The following NXPE2 variants were observed in gnomAD, a reference collection of about 807,000 sequenced individuals.
The protein encoded by NXPE2 is neurexophilin and PC-esterase domain family member 2, also known as NXPE family member 2.
Under a neutral mutation model 34.4 loss-of-function variants are expected in NXPE2, and 34 were observed. The ratio of observed to expected loss-of-function variants is 0.99; its 90% CI spans 0.75 to 1.31. The LOEUF is 1.31. NXPE2 is among the 40% of genes most tolerant of loss of function. The pLI, the probability that NXPE2 is intolerant of heterozygous loss-of-function variation, is 0.00. For missense variants in NXPE2, 649 were observed against 672.5 expected (o/e 0.97, Z 0.39); for synonymous variants, 235 against 231.3 (o/e 1.02, Z -0.15).
the NXPE2 span, among the ~76,000 whole-genome samples, chr11:114,717,719 T>G: frequency 3.3e-5 from 5 of 152,208 alleles, no homozygotes; most frequent in South Asian, 2.1e-4. Flanking sequence ...ATCTTCCCAC[T>G]TCCCCCCACT....
At chr11:114,532,950 T>A in the NXPE2 span, among the ~76,000 whole-genome samples, 2 of 152,182 alleles carry the variant, frequency 1.3e-5, no homozygotes, top group African/African-American at 2.4e-5. Flanking sequence ...ATAAAAGGAT[T>A]TGATGTATTT....
chr11:114,628,821 A>G, the NXPE2 span, among the ~76,000 whole-genome samples: 1 of 152,000 alleles, frequency 6.6e-6, no homozygotes, highest in Non-Finnish European at 1.5e-5. Context: ...TAGACGCAAT[A>G]AAAAATGATA....
the NXPE2 span, among the ~76,000 whole-genome samples, chr11:114,545,677 C>G: frequency 1.8e-4 from 28 of 151,560 alleles, no homozygotes; most frequent in South Asian, 5.8e-3. Flanking sequence ...AATCTTATAA[C>G]ACAAAGAGTG....
At chr11:114,797,187 G>A in the NXPE2 span, among the ~76,000 whole-genome samples, 1 of 152,144 alleles carries the variant, frequency 6.6e-6, no homozygotes, top group Non-Finnish European at 1.5e-5. Context: ...TAGGCTATGG[G>A]TTCCATGGGA....
chr11:114,579,780 G>T, the NXPE2 span, among the ~76,000 whole-genome samples: 1 of 152,170 alleles, frequency 6.6e-6, no homozygotes, highest in Admixed American at 6.5e-5. Flanking sequence ...CAGGTTGTCT[G>T]GTTCTAGAAT....
the NXPE2 span, among the ~76,000 whole-genome samples, chr11:114,640,443 T>C: frequency 6.6e-6 from 1 of 151,540 alleles, no homozygotes; most frequent in Non-Finnish European, 1.5e-5. Flanking sequence ...TGTCTTTTGA[T>C]GTGACTTCTT....
the NXPE2 span, among the ~76,000 whole-genome samples, chr11:114,553,256 C>A: frequency 3.3e-5 from 5 of 152,148 alleles, no homozygotes; most frequent in African/African-American, 1.2e-4. Context: ...TGTGTCTGTG[C>A]CTTCATTAGA....
chr11:114,792,666 C>T, the NXPE2 span, among the ~76,000 whole-genome samples: 1 of 152,322 alleles, frequency 6.6e-6, no homozygotes, highest in East Asian at 1.9e-4. Flanking sequence ...CATTATCTTA[C>T]AATTATAGAC....
At chr11:114,775,879 C>CAA in the NXPE2 span, among the ~76,000 whole-genome samples, 1,530 of 90,654 alleles carry the variant, frequency 0.017, 48 homozygotes, top group East Asian at 0.11. Context: ...AACAAAAAAA[C>CAA]GAAAAAAAAA....
chr11:114,632,958 A>T, the NXPE2 span, among the ~76,000 whole-genome samples: 1 of 102,354 alleles, frequency 9.8e-6, no homozygotes, highest in Non-Finnish European at 1.7e-5. Context: ...GATATTTTAT[A>T]TAATTATATA....
At chr11:114,659,489 G>A in the NXPE2 span, among the ~76,000 whole-genome samples, 10 of 151,050 alleles carry the variant, frequency 6.6e-5, no homozygotes, top group African/African-American at 2.4e-4. Flanking sequence ...TTACCCTAGA[G>A]ATGTGAAATA....
chr11:114,669,785 TA>T, the NXPE2 span, among the ~76,000 whole-genome samples: 3 of 151,814 alleles, frequency 2.0e-5, no homozygotes, highest in Non-Finnish European at 4.4e-5. Context: ...ATTTCAGTCC[TA>T]AAAAAAACTC....
the NXPE2 span, among the ~76,000 whole-genome samples, chr11:114,761,333 G>A: frequency 1.7e-4 from 26 of 152,114 alleles, no homozygotes; most frequent in Non-Finnish European, 4.4e-5. Context: ...AAAGCAATCC[G>A]TTATTTTCAT....
chr11:114,573,678 A>G, the NXPE2 span, among the ~76,000 whole-genome samples: 1 of 152,216 alleles, frequency 6.6e-6, no homozygotes, highest in Non-Finnish European at 1.5e-5. Context: ...AATTCTAAAT[A>G]TATATGCATC....
chr11:114,744,677 G>C, the NXPE2 span, among the ~76,000 whole-genome samples: 1 of 152,062 alleles, frequency 6.6e-6, no homozygotes, highest in Non-Finnish European at 1.5e-5. Flanking sequence ...AGGCATAGTG[G>C]CATGCACCTG....
At chr11:114,510,723 A>G in the NXPE2 span, among the ~76,000 whole-genome samples, 1 of 152,236 alleles carries the variant, frequency 6.6e-6, no homozygotes, top group African/African-American at 2.4e-5. Flanking sequence ...GACTTGGCAC[A>G]TTGTCTGATA....
chr11:114,629,253 T>C, the NXPE2 span, among the ~76,000 whole-genome samples: 15 of 152,184 alleles, frequency 9.9e-5, no homozygotes, highest in East Asian at 2.9e-3. Flanking sequence ...TTGATGAACA[T>C]TGATGCAAAA....
intron 2 of NXPE2, among the ~76,000 whole-genome samples, chr11:114,680,596 T>TA (rs989186732): frequency 7.2e-5 from 11 of 152,124 alleles, no homozygotes; most frequent in African/African-American, 2.7e-4. Flanking sequence ...GCCCAGGTCC[T>TA]ACCCACTACC....
the NXPE2 span, among the ~76,000 whole-genome samples, chr11:114,736,585 G>A: frequency 1.3e-5 from 2 of 152,028 alleles, no homozygotes; most frequent in African/African-American, 2.4e-5. Context: ...GTTCAAACAC[G>A]CATGCTCTAC....
Sources: allele counts gnomAD v4.1 joint callset (sites outside exome capture counted in the v4.1 genomes callset), GRCh38; gene constraint gnomAD v4.1.1; transcripts MANE v1.5; gene names NCBI Gene and HGNC (gene_info 2026-07-23, HGNC 2026-07-21).